Variants in LYN observed in about 807,000 individuals in gnomAD.
The protein encoded by LYN is LYN proto-oncogene, Src family tyrosine kinase.
LYN carries 12 observed loss-of-function variants against 65.0 expected under a neutral mutation model. That is an observed-to-expected ratio of 0.18 (90% CI 0.12 to 0.30). The LOEUF (loss-of-function observed/expected upper bound fraction) is 0.30. Among genes scored for constraint, LYN ranks in the 10% least tolerant of loss-of-function variants. The pLI is 1.00. For synonymous variants in LYN, 222 were observed against 221.2 expected, an observed-to-expected ratio of 1.00 and a Z score of -0.03; for missense variants, 380 against 623.2, an observed-to-expected ratio of 0.61 and a Z score of 4.16.
At chr8:55,969,925 A>G in intron 10 of LYN, 132 bp downstream of exon 10, 4 of 749,260 alleles carry the variant, frequency 5.3e-6, no homozygotes, top group Non-Finnish European at 7.0e-6. Context: ...TATGAGAAAA[A>G]GACCTTCCAC....
At chr8:56,008,124 A>AAAAATAAAATAAAATAAAAT (rs1000414913) in intron 12 of LYN, among the ~76,000 whole-genome samples, 6 of 86,722 alleles carry the variant, frequency 6.9e-5, no homozygotes, top group African/African-American at 2.4e-4. Context: ...GCCTCAAAAA[A>AAAAATAAAATAAAATAAAAT]AAAATAAAAT....
intron 1 of LYN, among the ~76,000 whole-genome samples, chr8:55,906,008 G>T (rs1208763129): frequency 1.3e-5 from 2 of 152,220 alleles, no homozygotes; most frequent in East Asian, 1.9e-4. Flanking sequence ...ACAGCATTCA[G>T]TAGTTTTGTG....
rs1464714576 is a variant in LYN at position 55,911,196 on chromosome 8, CACAT to C, written c.-5-30657_-5-30654del. Reference sequence around the variant, plus strand: ...ACGTATATATATATATATACACACACACATATATATATACACGTGTATATATATA... The same window carrying C: ...ACGTATATATATATATATACACACACATATATATACACGTGTATATATATA... On this transcript the variant is annotated intron_variant, in intron 1 of 12. Coordinates refer to ENST00000519728, the MANE Select transcript of LYN (RefSeq NM_002350.4). Among the ~76,000 whole-genome samples, 3 of 5,534 alleles carry C rather than the reference CACAT, an allele frequency of 5.4e-4. 1 individual carries two copies. The highest frequency in any genetic ancestry group is 2.4e-3 in the Non-Finnish European group (1 of 414). 3.6% of individuals were successfully genotyped at this position (5,534 alleles called of 152,430 possible). A position where few individuals can be genotyped will look rare whatever the true frequency, so the allele number is the denominator to read the frequency against.
intron 1 of LYN, among the ~76,000 whole-genome samples, chr8:55,911,019 A>C: frequency 7.0e-6 from 1 of 142,078 alleles, no homozygotes; most frequent in Non-Finnish European, 1.5e-5. Flanking sequence ...GCCTCAGCCT[A>C]CCAGGTAGCT....
At position 55,919,818 on chromosome 8, in the gene LYN, G is replaced by A. The variant is rs575574795; in HGVS notation, c.-5-22037G>A. 5.9e-5 allele frequency among the ~76,000 whole-genome samples: 9 copies of A among 151,954 alleles called. No individual in the cohort carries two copies. In the East Asian group the frequency reaches 1.7e-3, roughly 29 times the overall value. ...AGCAGTTGAACGTGCATTGGCTGAG[G>A]TGTGAGGCTCGGGAAATGGCTCTCC... On this transcript the variant is annotated intron_variant, in intron 1 of 12. Coordinates refer to ENST00000519728, the MANE Select transcript of LYN (RefSeq NM_002350.4).
At chr8:55,881,969 G>A (rs1389842919) in intron 1 of LYN, among the ~76,000 whole-genome samples, 1 of 152,216 alleles carries the variant, frequency 6.6e-6, no homozygotes, top group African/African-American at 2.4e-5. Flanking sequence ...ATAGGGAGAT[G>A]AAGAAATAGA....
At chr8:55,968,721 A>G (rs891542466) in intron 9 of LYN, among the ~76,000 whole-genome samples, 1 of 152,338 alleles carries the variant, frequency 6.6e-6, no homozygotes, top group South Asian at 2.1e-4. Flanking sequence ...CTACCTGTCA[A>G]CCATCATGGT....
In LYN at chr8:56,011,198, G is replaced by C. The variant is rs888171374; in HGVS notation, c.*1088G>C. 4.4e-6 allele frequency: 1 copy of C among 227,892 alleles called. No individual in the cohort carries two copies. The highest frequency in any genetic ancestry group is 2.2e-5 in the African/African-American group (1 of 45,060). 14.1% of individuals were successfully genotyped at this position (227,892 alleles called of 1,614,324 possible). A position where few individuals can be genotyped will look rare whatever the true frequency, so the allele number is the denominator to read the frequency against. ...TACCCAAGGATATGAAGGAACATAA[G>C]TGACTACAAGGCTCTAATAAGCCAC... On this transcript the variant is annotated 3_prime_UTR_variant, in exon 13 of 13. Transcript: ENST00000519728.
chr8:55,979,506 G>A (rs1807857851), intron 10 of LYN, among the ~76,000 whole-genome samples: 1 of 152,166 alleles, frequency 6.6e-6, no homozygotes, highest in African/African-American at 2.4e-5. Context: ...CTGTAGCTAT[G>A]CATTTGTGTC....
chr8:55,991,804 GA>G (rs1808258276), intron 10 of LYN, among the ~76,000 whole-genome samples: 1 of 152,122 alleles, frequency 6.6e-6, no homozygotes, highest in African/African-American at 2.4e-5. Context: ...TTTTAAAAAC[GA>G]AAATGAAAAA....
chr8:55,978,814 C>G (rs1807835349), intron 10 of LYN, among the ~76,000 whole-genome samples: 1 of 152,176 alleles, frequency 6.6e-6, no homozygotes, highest in South Asian at 2.1e-4. Context: ...GGACCCTTCT[C>G]AGTGACATGG....
intron 1 of LYN, among the ~76,000 whole-genome samples, chr8:55,910,474 C>T (rs7001196): frequency 0.69 from 104,194 of 152,010 alleles, 35,837 homozygotes; most frequent in East Asian, 0.95. Context: ...TAGCTTTATT[C>T]CTGGGTTCTC....
rs576447500 is a variant in LYN, at chr8:55,985,320, C to T, written c.1051-13026C>T. Among the ~76,000 whole-genome samples the T allele has an allele frequency of 8.7e-5, 13 of 149,918 alleles. No homozygotes were observed. The South Asian group carries it at 2.1e-3, about 24-fold the overall frequency. On this transcript the variant is annotated intron_variant, in intron 10 of 12. Coordinates refer to ENST00000519728, the MANE Select transcript of LYN (RefSeq NM_002350.4). ...TTGCAGCCACACCCACCTGCTCTTG[C>T]CCCCACATCCTTAGGTAAAGGAAAA...
intron 10 of LYN, among the ~76,000 whole-genome samples, chr8:55,987,910 C>G (rs552227308): frequency 6.6e-6 from 1 of 152,312 alleles, no homozygotes; most frequent in Non-Finnish European, 1.5e-5. Context: ...GACTAACATG[C>G]CTAGCACAGT....
intron 1 of LYN, among the ~76,000 whole-genome samples, chr8:55,899,551 T>C (rs1404154583): frequency 6.6e-6 from 1 of 152,232 alleles, no homozygotes; most frequent in Non-Finnish European, 1.5e-5. Context: ...ACACGGTATG[T>C]CATTCGTTCT....
chr8:55,991,016 A>G (rs1808231175), intron 10 of LYN, among the ~76,000 whole-genome samples: 3 of 152,180 alleles, frequency 2.0e-5, no homozygotes. Flanking sequence ...AAATCATACT[A>G]GAGATGTGAA....
chr8:55,962,977 G>GC (rs1396159854), intron 8 of LYN, among the ~76,000 whole-genome samples: 1 of 152,190 alleles, frequency 6.6e-6, no homozygotes, highest in Non-Finnish European at 1.5e-5. Context: ...AACTAATAGA[G>GC]CGAGAACTCA....
chr8:56,000,584 T>C (rs1450360357), intron 12 of LYN, among the ~76,000 whole-genome samples: 1 of 151,188 alleles, frequency 6.6e-6, no homozygotes, highest in Non-Finnish European at 1.5e-5. Flanking sequence ...AAAAATTAGC[T>C]GGGCGTAGTG....
intron 10 of LYN, 45 bp downstream of exon 10, chr8:55,969,838 C>A: frequency 6.8e-7 from 1 of 1,476,264 alleles, no homozygotes; most frequent in Non-Finnish European, 9.5e-7. Flanking sequence ...TTTGCAAAGA[C>A]TTCCCTGCGT....
Sources: allele counts gnomAD v4.1 joint callset (sites outside exome capture counted in the v4.1 genomes callset), GRCh38; gene constraint gnomAD v4.1.1; transcripts MANE v1.5; gene names NCBI Gene and HGNC (gene_info 2026-07-23, HGNC 2026-07-21).